Variants in NFIA observed in about 807,000 individuals in gnomAD.
NFIA encodes nuclear factor 1 A-type.
Under a neutral mutation model 62.8 loss-of-function variants are expected in NFIA, and 8 were observed. The observed-to-expected ratio is 0.13, with a 90% confidence interval of 0.07 to 0.23. The LOEUF is 0.23. Ranked by LOEUF, NFIA falls within the 10% of genes least tolerant of loss-of-function variation. The pLI, the probability that NFIA is intolerant of heterozygous loss-of-function variation, is 1.00. For synonymous variants in NFIA, 235 were observed against 238.1 expected (o/e 0.99, Z 0.12); for missense variants, 410 against 642.1 (o/e 0.64, Z 3.91).
At chr1:61,431,104 G>A (rs1303279134) in intron 10 of NFIA, among the ~76,000 whole-genome samples, 1 of 152,060 alleles carries the variant, frequency 6.6e-6, no homozygotes, top group African/African-American at 2.4e-5. Context: ...CCACCGAATG[G>A]TATAATGTAA....
intron 7 of NFIA, among the ~76,000 whole-genome samples, chr1:61,391,692 TC>T (rs1318678482): frequency 2.0e-5 from 3 of 152,190 alleles, no homozygotes; most frequent in Non-Finnish European, 2.9e-5. Flanking sequence ...AGAAAGAACG[TC>T]CCCTGGCGTT....
chr1:61,336,919 G>A (rs1661644065), intron 4 of NFIA, among the ~76,000 whole-genome samples: 1 of 152,054 alleles, frequency 6.6e-6, no homozygotes, highest in Non-Finnish European at 1.5e-5. Context: ...TCCCTTTCTG[G>A]ATCTTTAGTA....
At chr1:61,133,754 GC>G (rs1647124684) in intron 2 of NFIA, among the ~76,000 whole-genome samples, 1 of 152,206 alleles carries the variant, frequency 6.6e-6, no homozygotes, top group Non-Finnish European at 1.5e-5. Flanking sequence ...GATGACTTGA[GC>G]CCAGGAGTTT....
intron 2 of NFIA, among the ~76,000 whole-genome samples, chr1:61,216,373 AC>A (rs935113477): frequency 3.3e-5 from 5 of 152,108 alleles, no homozygotes; most frequent in African/African-American, 7.2e-5. Context: ...TAAAAAAAAA[AC>A]ATGAAGAATA....
intron 2 of NFIA, among the ~76,000 whole-genome samples, chr1:61,107,618 G>T (rs1283883422): frequency 6.6e-6 from 1 of 151,272 alleles, no homozygotes; most frequent in Non-Finnish European, 1.5e-5. Flanking sequence ...GTAGTTTCTG[G>T]CTTGTTTTAA....
chr1:61,181,550 T>G lies in NFIA; in HGVS notation c.559+92870T>G, dbSNP rs557953096. ...TAGTTTTATTATTGTTTTAACATTT[T>G]ATCATACAAATGCAACAGACTTTAT... On this transcript the variant is annotated intron_variant, in intron 2 of 10. Transcript: ENST00000403491. 2.6e-5 allele frequency among the ~76,000 whole-genome samples: 4 copies of G among 152,376 alleles called. No homozygotes were observed. The South Asian group carries it at 8.3e-4, about 32-fold the overall frequency.
chr1:61,162,832 T>G (rs937968231), intron 2 of NFIA, among the ~76,000 whole-genome samples: 1 of 151,716 alleles, frequency 6.6e-6, no homozygotes, highest in African/African-American at 2.4e-5. Flanking sequence ...TTTTTTTTTT[T>G]GCATGTCTAG....
chr1:61,126,462 A>ACACACACACACACACACACT (rs35045816), intron 2 of NFIA, among the ~76,000 whole-genome samples: 4,562 of 145,794 alleles, frequency 0.031, 91 homozygotes, highest in Non-Finnish European at 0.036. Context: ...ACACACACAC[A>ACACACACACACACACACACT]CACACACACA....
Position 61,328,516 on chromosome 1 carries a change from G to A in NFIA, c.626-3996G>A, listed in dbSNP as rs1427234176. Among the ~76,000 whole-genome samples, 2 of 151,792 alleles carry A rather than the reference G, an allele frequency of 1.3e-5. No individual in the cohort carries two copies. Among genetic ancestry groups the A allele is most frequent in the East Asian group, 1.9e-4 (1 of 5,170 alleles). On this transcript the variant is annotated intron_variant, in intron 3 of 10. Coordinates refer to ENST00000403491, the MANE Select transcript of NFIA (RefSeq NM_001134673.4). ...GGCTCACCACAACCTACGCTTCCCC[G>A]TTCAAGTGATTCTCCTGCCTCAGCC...
chr1:61,200,040 A>G lies in NFIA; in HGVS notation c.560-77480A>G, dbSNP rs191367095. ...TATATATATATATATATATATATATATATATATATATATATATATATATAT... is the reference window on the plus strand; with the variant it reads ...TATATATATATATATATATATATATGTATATATATATATATATATATATAT... On this transcript the variant is annotated intron_variant, in intron 2 of 10. Transcript: ENST00000403491. Among the ~76,000 whole-genome samples, 400 of 47,114 alleles carry G rather than the reference A, an allele frequency of 8.5e-3. 10 individuals carry two copies. Among genetic ancestry groups the G allele is most frequent in the Non-Finnish European group, 0.011 (319 of 28,448 alleles). 30.9% of individuals were successfully genotyped at this position (47,114 alleles called of 152,430 possible).
At chr1:61,111,145 C>G (rs903938608) in intron 2 of NFIA, among the ~76,000 whole-genome samples, 1 of 152,106 alleles carries the variant, frequency 6.6e-6, no homozygotes, top group African/African-American at 2.4e-5. Flanking sequence ...CCCTGAAGAA[C>G]AAAGGCCTAC....
chr1:61,260,725 C>T (rs1048923780), intron 2 of NFIA, among the ~76,000 whole-genome samples: 8 of 152,120 alleles, frequency 5.3e-5, no homozygotes, highest in African/African-American at 1.7e-4. Context: ...GGACTACAGG[C>T]GCCCACCACC....
At chr1:61,309,455 T>C (rs1443810938) in intron 3 of NFIA, among the ~76,000 whole-genome samples, 6 of 150,526 alleles carry the variant, frequency 4.0e-5, no homozygotes, top group Non-Finnish European at 8.8e-5. Context: ...CTAATACTTT[T>C]TCCCTTGCTT....
chr1:61,082,003 G>A, upstream of NFIA: 1 of 1,550,272 alleles, frequency 6.5e-7, no homozygotes, highest in Non-Finnish European at 8.7e-7. Flanking sequence ...GGTGGCCCGG[G>A]GGGTGCGGGG....
At position 61,327,848 on chromosome 1, in the gene NFIA, A is replaced by C. The variant is rs1570585085; in HGVS notation, c.626-4664A>C. Among the ~76,000 whole-genome samples the C allele has an allele frequency of 2.0e-5, 3 of 152,266 alleles. No individual in the cohort carries two copies. The East Asian group carries it at 5.8e-4, about 29-fold the overall frequency. On this transcript the variant is annotated intron_variant, in intron 3 of 10. Transcript: ENST00000403491. ...CTTTAAGAAATCTCCATACTGTTTC[A>C]CATAGAGATGGTACTTATTCTTACC...
At chr1:61,256,743 G>A (rs1439204412) in intron 2 of NFIA, among the ~76,000 whole-genome samples, 1 of 152,130 alleles carries the variant, frequency 6.6e-6, no homozygotes, top group East Asian at 1.9e-4. Flanking sequence ...CAAGAATATG[G>A]TTTACACAGG....
intron 2 of NFIA, among the ~76,000 whole-genome samples, chr1:61,189,583 T>G (rs1374023109): frequency 6.6e-6 from 1 of 152,070 alleles, no homozygotes; most frequent in Non-Finnish European, 1.5e-5. Context: ...GGGAATTGCT[T>G]GAAACTGGGA....
chr1:61,346,939 A>G (rs6702714), intron 4 of NFIA, among the ~76,000 whole-genome samples: 6,205 of 152,204 alleles, frequency 0.041, 422 homozygotes, highest in African/African-American at 0.14. Flanking sequence ...TTATAACACC[A>G]TCAGATCTCG....
rs778571904 is a variant in NFIA, at chr1:61,457,564, A to G, written c.*2244A>G. The G allele has an allele frequency of 3.9e-5, 6 of 152,306 alleles. No homozygotes were observed. The South Asian group carries it at 6.2e-4, about 16-fold the overall frequency. The allele number at this position is 152,306 out of a possible 1,614,324, so 9.4% of individuals were successfully genotyped here. On this transcript the variant is annotated 3_prime_UTR_variant, in exon 11 of 11. Coordinates refer to ENST00000403491, the MANE Select transcript of NFIA (RefSeq NM_001134673.4). The surrounding 1 kb of genome is among the most constrained non-coding windows in gnomAD (Gnocchi z 4.2). ...TTGGAGTCTTCCTTTATTTTCCCCC[A>G]GATATATGAAAATATGCAATACCTG...
Sources: gnomAD v4.1 joint callset for allele counts (sites outside exome capture counted in the v4.1 genomes callset) on GRCh38, gnomAD v4.1.1 for gene constraint, Gnocchi (gnomAD v3.1) non-coding constraint, MANE v1.5 for transcripts, NCBI Gene and HGNC (gene_info 2026-07-23, HGNC 2026-07-21) for gene names.